DRC3: variants seen among roughly 807,000 people sequenced by gnomAD.
DRC3 encodes the protein dynein regulatory complex subunit 3.
DRC3 carries 45 observed loss-of-function variants against 57.6 expected under a neutral mutation model. The ratio of observed to expected loss-of-function variants is 0.78; its 90% CI spans 0.62 to 1.00. The LOEUF is 1.00. Among genes scored for constraint, DRC3 ranks in the 50% least tolerant of loss-of-function variants. The probability of loss-of-function intolerance (pLI) is 0.00; values close to 1 mark genes in which losing one functional copy is unlikely to be tolerated. For missense variants in DRC3, 655 were observed against 675.2 expected (o/e 0.97, Z 0.33); for synonymous variants, 257 against 272.3 (o/e 0.94, Z 0.55).
chr17:18,001,711 G>A (rs1280601292), intron 9 of DRC3, among the ~76,000 whole-genome samples: 1 of 151,676 alleles, frequency 6.6e-6, no homozygotes, highest in Admixed American at 6.6e-5. Flanking sequence ...CAGGAAGATC[G>A]CTTGAGCCCA....
intron 8 of DRC3, 54 bp downstream of exon 8, chr17:17,995,165 G>T (rs1426209552): frequency 2.3e-6 from 3 of 1,325,988 alleles, no homozygotes; most frequent in Non-Finnish European, 3.2e-6. Flanking sequence ...GCCTGCCTTG[G>T]CAAGGCCCCT....
At chr17:17,977,092 G>A (rs1053281122) in intron 2 of DRC3, among the ~76,000 whole-genome samples, 2 of 152,224 alleles carry the variant, frequency 1.3e-5, no homozygotes, top group African/African-American at 2.4e-5. Context: ...AGCTTGTGGT[G>A]TGGTGTGGGG....
intron 2 of DRC3, among the ~76,000 whole-genome samples, chr17:17,975,432 G>C (rs1049724341): frequency 6.6e-6 from 1 of 151,718 alleles, no homozygotes; most frequent in Non-Finnish European, 1.5e-5. Context: ...GGATGGTCTT[G>C]ATCTCCTGAC....
intron 3 of DRC3, among the ~76,000 whole-genome samples, chr17:17,978,165 C>T (rs1045460821): frequency 5.3e-5 from 8 of 152,114 alleles, no homozygotes; most frequent in African/African-American, 1.9e-4. Context: ...TGAGAGCGGG[C>T]ACTGGGATGG....
At chr17:18,006,293 A>G (rs1568532539) in intron 11 of DRC3, 40 bp downstream of exon 11, 1 of 1,446,760 alleles carries the variant, frequency 6.9e-7, no homozygotes, top group African/African-American at 1.4e-5. Flanking sequence ...GGGAGGTGCT[A>G]CAGAGCCCCT....
At chr17:18,010,435 A>T (rs537971258) in intron 12 of DRC3, among the ~76,000 whole-genome samples, 1 of 152,274 alleles carries the variant, frequency 6.6e-6, no homozygotes, top group East Asian at 1.9e-4. Flanking sequence ...CCCCATCAAA[A>T]CACCAATGAC....
intron 12 of DRC3, among the ~76,000 whole-genome samples, chr17:18,009,409 A>C (rs924099003): frequency 3.9e-5 from 6 of 152,180 alleles, no homozygotes; most frequent in Non-Finnish European, 8.8e-5. Context: ...TCTCAAAAAA[A>C]TAAAATAAAA....
chr17:17,992,622 T>G (rs1000523435), intron 5 of DRC3, 143 bp from the exon 6 acceptor site: 10 of 859,430 alleles, frequency 1.2e-5, no homozygotes, highest in Admixed American at 8.1e-5. Context: ...CCCCCACGCC[T>G]GCACACTGCC....
chr17:18,006,872 G>GC, intron 11 of DRC3, 152 bp from the exon 12 acceptor site: 1 of 1,250,210 alleles, frequency 8.0e-7, no homozygotes, highest in Non-Finnish European at 1.1e-6. Flanking sequence ...GTCGAGGAAG[G>GC]CCCAGGGTTC....
chr17:18,000,030 G>A (rs1221491014), intron 9 of DRC3, among the ~76,000 whole-genome samples: 2 of 137,722 alleles, frequency 1.5e-5, no homozygotes, highest in Non-Finnish European at 3.4e-5. Flanking sequence ...GCTTTCCTAT[G>A]TGTGTGTGCG....
chr17:17,981,271 G>A (rs759489948), intron 3 of DRC3: 5 of 270,138 alleles, frequency 1.9e-5, no homozygotes, highest in African/African-American at 4.5e-5. Flanking sequence ...CAGGATGATG[G>A]CCAGGAGGAT....
intron 12 of DRC3, chr17:18,010,752 G>A (rs1027146921): frequency 5.0e-5 from 12 of 239,114 alleles, no homozygotes; most frequent in Non-Finnish European, 1.0e-4. Flanking sequence ...AGTCAGGGCA[G>A]GGGCTGAGGC....
intron 3 of DRC3, chr17:17,977,990 G>T: frequency 2.3e-6 from 1 of 435,986 alleles, no homozygotes; most frequent in Non-Finnish European, 4.1e-6. Context: ...AATAAGAATA[G>T]AAAACAAGAT....
chr17:17,981,274 AG>A (rs1240557328), intron 3 of DRC3: 1 of 269,732 alleles, frequency 3.7e-6, no homozygotes, highest in African/African-American at 2.3e-5. Flanking sequence ...GATGATGGCC[AG>A]GAGGATTCCC....
At chr17:17,977,159 C>T (rs962840665) in intron 2 of DRC3, among the ~76,000 whole-genome samples, 1 of 152,218 alleles carries the variant, frequency 6.6e-6, no homozygotes, top group African/African-American at 2.4e-5. Context: ...GAGCTGCAGG[C>T]TGACAGGCCT....
intron 2 of DRC3, chr17:17,977,320 G>A (rs1283627846): frequency 9.4e-5 from 42 of 447,778 alleles, no homozygotes; most frequent in South Asian, 7.9e-4. Context: ...CACCAGTCCA[G>A]TGGGTCCAGC....
In DRC3 at chr17:17,988,109, G is replaced by C; in HGVS notation, c.444+11G>C. ...GACAACATGATGAACGTGAGTGGCC[G>C]CCCAGCCCGCCCTCACGCACACCTG... On this transcript the variant is annotated intron_variant, in intron 5 of 13. Coordinates refer to ENST00000399187, the MANE Select transcript of DRC3 (RefSeq NM_031294.4). 1 of 1,610,984 alleles carries C rather than the reference G, an allele frequency of 6.2e-7. No homozygotes were observed. The highest frequency in any genetic ancestry group is 2.2e-5 in the East Asian group (1 of 44,822).
At position 18,004,367 on chromosome 17, in the gene DRC3, T is replaced by C. The variant is rs1217738389; in HGVS notation, c.1004T>C (p.Leu335Ser). 2 of 1,601,680 alleles carry C rather than the reference T, an allele frequency of 1.2e-6. No homozygotes were observed. The highest frequency in any genetic ancestry group is 2.3e-5 in the South Asian group (2 of 88,874). Residue 335 changes from leucine to serine, a missense_variant, in exon 10 of 14, where the codon TTA becomes TCA. Coordinates refer to ENST00000399187, the MANE Select transcript of DRC3 (RefSeq NM_031294.4). ...AGTGCAGTCTATTGTTTCTAGAGTT[T>C]AAGTGCCATTCGAGAGGAGTTGGAA... ...AKFEEKHLSS[L>S]SAIREELELP...
chr17:18,016,329 T>G, intron 13 of DRC3, 134 bp downstream of exon 13: 1 of 1,064,416 alleles, frequency 9.4e-7, no homozygotes, highest in South Asian at 1.5e-5. Context: ...GATTATAGAA[T>G]TCCACACTGA....
Sources: gnomAD v4.1 joint callset for allele counts (sites outside exome capture counted in the v4.1 genomes callset) on GRCh38, gnomAD v4.1.1 for gene constraint, MANE v1.5 for transcripts, NCBI Gene and HGNC (gene_info 2026-07-23, HGNC 2026-07-21) for gene names.